The following GRIK2 variants were observed in gnomAD, a reference collection of about 807,000 sequenced individuals.
GRIK2 encodes glutamate ionotropic receptor kainate type subunit 2.
GRIK2 carries 32 observed loss-of-function variants against 100.3 expected under a neutral mutation model. The observed-to-expected ratio is 0.32, with a 90% CI of 0.24 to 0.43. The LOEUF (loss-of-function observed/expected upper bound fraction) is 0.43, where lower values mean the gene tolerates loss of function less well. Among genes scored for constraint, GRIK2 ranks in the 20% least tolerant of loss-of-function variants. The pLI, the probability that GRIK2 is intolerant of heterozygous loss-of-function variation, is 1.00. For synonymous variants in GRIK2, 417 were observed against 389.4 expected, an observed-to-expected ratio of 1.07 and a Z score of -0.83; for missense variants, 843 against 1,114.9, an observed-to-expected ratio of 0.76 and a Z score of 3.47.
At chr6:102,039,607 A>G (rs553915433) in intron 15 of GRIK2, among the ~76,000 whole-genome samples, 188 of 151,554 alleles carry the variant, frequency 1.2e-3, no homozygotes, top group African/African-American at 4.4e-3. Flanking sequence ...CTCCTCCTTA[A>G]TAGCATTTTT....
At chr6:101,512,057 CATATAT>C (rs3057424) in intron 2 of GRIK2, among the ~76,000 whole-genome samples, 10 of 148,162 alleles carry the variant, frequency 6.7e-5, no homozygotes, top group Non-Finnish European at 1.0e-4. Flanking sequence ...AAGATACATA[CATATAT>C]ATATATATAT....
intron 2 of GRIK2, among the ~76,000 whole-genome samples, chr6:101,469,071 G>T (rs371073913): frequency 5.9e-5 from 9 of 152,246 alleles, no homozygotes; most frequent in African/African-American, 2.2e-4. Context: ...TTGAAGGGAA[G>T]ATTCTCAGCC....
intron 2 of GRIK2, among the ~76,000 whole-genome samples, chr6:101,537,190 A>G (rs945730999): frequency 6.6e-6 from 1 of 151,778 alleles, no homozygotes; most frequent in Non-Finnish European, 1.5e-5. Flanking sequence ...TTATTGGAAA[A>G]TCATATCAAA....
At chr6:101,500,297 G>T (rs1318431092) in intron 2 of GRIK2, among the ~76,000 whole-genome samples, 1 of 151,972 alleles carries the variant, frequency 6.6e-6, no homozygotes, top group Non-Finnish European at 1.5e-5. Context: ...GCTAAGTATA[G>T]GTCTATAATC....
At chr6:101,476,192 G>C (rs747774663) in intron 2 of GRIK2, among the ~76,000 whole-genome samples, 3 of 152,054 alleles carry the variant, frequency 2.0e-5, no homozygotes, top group Non-Finnish European at 4.4e-5. Flanking sequence ...TTCAGCTACT[G>C]TGTGTTCTCT....
chr6:101,883,939 T>C (rs1786439014), intron 11 of GRIK2, among the ~76,000 whole-genome samples: 1 of 152,142 alleles, frequency 6.6e-6, no homozygotes, highest in Non-Finnish European at 1.5e-5. Context: ...CAGAAAGTGG[T>C]AATCTGGTAT....
intron 2 of GRIK2, among the ~76,000 whole-genome samples, chr6:101,464,910 A>C (rs2128253628): frequency 6.6e-6 from 1 of 152,258 alleles, no homozygotes; most frequent in East Asian, 1.9e-4. Flanking sequence ...GCAGAGACTA[A>C]GTATATGGGG....
At chr6:101,595,959 T>A (rs201909101) in intron 2 of GRIK2, among the ~76,000 whole-genome samples, 13,838 of 106,406 alleles carry the variant, frequency 0.13, 712 homozygotes, top group Admixed American at 0.2. Flanking sequence ...ATTAAAATTT[T>A]TTTTTTTTTT....
chr6:101,893,476 G>T (rs1056826559), intron 12 of GRIK2, among the ~76,000 whole-genome samples: 1 of 151,614 alleles, frequency 6.6e-6, no homozygotes, highest in African/African-American at 2.4e-5. Context: ...ATTATAATGA[G>T]TGATTTAAAT....
At chr6:101,505,972 C>T (rs1277585904) in intron 2 of GRIK2, among the ~76,000 whole-genome samples, 3 of 152,016 alleles carry the variant, frequency 2.0e-5, no homozygotes, top group Non-Finnish European at 4.4e-5. Flanking sequence ...CATAGATTAA[C>T]AAATTGCAAG....
chr6:101,549,547 A>G, intron 2 of GRIK2, among the ~76,000 whole-genome samples: 1 of 152,044 alleles, frequency 6.6e-6, no homozygotes, highest in East Asian at 1.9e-4. Context: ...TATACATTAT[A>G]ATATATTTTT....
At position 101,801,492 on chromosome 6, in the gene GRIK2, A is replaced by G. The variant is rs149172688; in HGVS notation, c.1096-839A>G. 7.4e-3 allele frequency among the ~76,000 whole-genome samples: 1,124 copies of G among 152,118 alleles called. 7 individuals are homozygous for G. Among genetic ancestry groups the G allele is most frequent in the Non-Finnish European group, 9.7e-3 (662 of 67,920 alleles). ...AGAAATTTAGTAATATTAATTTCAA[A>G]TCCTTATTGAAATATTACCCTTAAT... On this transcript the variant is annotated intron_variant, in intron 8 of 16. Coordinates refer to ENST00000369134, the MANE Select transcript of GRIK2 (RefSeq NM_021956.5).
chr6:101,507,889 G>A (rs1774103277), intron 2 of GRIK2, among the ~76,000 whole-genome samples: 1 of 152,052 alleles, frequency 6.6e-6, no homozygotes, highest in Admixed American at 6.6e-5. Flanking sequence ...AAGAGTTAGT[G>A]TTATCATTAT....
chr6:101,625,199 C>T (rs946441408), intron 3 of GRIK2, among the ~76,000 whole-genome samples: 1 of 151,918 alleles, frequency 6.6e-6, no homozygotes, highest in African/African-American at 2.4e-5. Flanking sequence ...TGGTGAAACC[C>T]TGTCTCTACT....
chr6:101,656,082 C>T (rs1041219270), intron 4 of GRIK2, among the ~76,000 whole-genome samples: 4 of 152,020 alleles, frequency 2.6e-5, no homozygotes, highest in African/African-American at 7.2e-5. Flanking sequence ...GTGGGTGGAT[C>T]ACTTGAGGTC....
intron 14 of GRIK2, among the ~76,000 whole-genome samples, chr6:101,983,538 T>A (rs1395458850): frequency 6.6e-6 from 1 of 151,838 alleles, no homozygotes; most frequent in African/African-American, 2.4e-5. Flanking sequence ...CATGTCCTCA[T>A]GTTTTATTGA....
intron 7 of GRIK2, among the ~76,000 whole-genome samples, chr6:101,761,823 T>G (rs997251030): frequency 7.2e-6 from 1 of 139,338 alleles, no homozygotes. Context: ...CTTCTTTTCT[T>G]TTCTTCCTTT....
chr6:101,777,913 T>C (rs1413444063), intron 7 of GRIK2, among the ~76,000 whole-genome samples: 1 of 152,232 alleles, frequency 6.6e-6, no homozygotes, highest in Non-Finnish European at 1.5e-5. Flanking sequence ...TCTGAGCTGC[T>C]GACAGATTTG....
At chr6:101,564,567 A>G (rs1777163427) in intron 2 of GRIK2, among the ~76,000 whole-genome samples, 1 of 152,136 alleles carries the variant, frequency 6.6e-6, no homozygotes, top group African/African-American at 2.4e-5. Context: ...TAATGTAAGT[A>G]TTTCAAATGT....
Sources: gnomAD v4.1 joint callset for allele counts (sites outside exome capture counted in the v4.1 genomes callset) on GRCh38, gnomAD v4.1.1 for gene constraint, MANE v1.5 for transcripts, NCBI Gene and HGNC (gene_info 2026-07-23, HGNC 2026-07-21) for gene names.